The following GALNTL6 variants were observed in gnomAD, a reference collection of about 807,000 sequenced individuals.
GALNTL6 encodes the protein polypeptide N-acetylgalactosaminyltransferase-like 6.
A neutral mutation model predicts 73.7 loss-of-function variants in GALNTL6; 46 were observed. That is an observed-to-expected ratio of 0.62 (90% confidence interval 0.49 to 0.80). The LOEUF is 0.80. Ranked by LOEUF, GALNTL6 falls within the 30% of genes least tolerant of loss-of-function variation. The pLI, the probability that GALNTL6 is intolerant of heterozygous loss-of-function variation, is 0.00. For synonymous variants in GALNTL6, 259 were observed against 263.7 expected (o/e 0.98, Z 0.17); for missense variants, 604 against 755.0 (o/e 0.80, Z 2.34).
At chr4:171,974,163 C>A (rs1205275978) in intron 2 of GALNTL6, among the ~76,000 whole-genome samples, 2 of 151,214 alleles carry the variant, frequency 1.3e-5, no homozygotes, top group Non-Finnish European at 2.9e-5. Flanking sequence ...CCACACCCAG[C>A]TAACCTTTTT....
Position 172,788,617 on chromosome 4 carries a change from G to A in GALNTL6, c.554-20744G>A, listed in dbSNP as rs546200736. ...AAACCGGGAGGCGGAGCTTGCAGTGGGCCGATATCGCACCACTGCACTCCA... is the reference window on the plus strand; with the variant it reads ...AAACCGGGAGGCGGAGCTTGCAGTGAGCCGATATCGCACCACTGCACTCCA... On this transcript the variant is annotated intron_variant, in intron 5 of 12. Transcript: ENST00000506823. Among the ~76,000 whole-genome samples, 208 of 149,156 alleles carry A rather than the reference G, an allele frequency of 1.4e-3. 1 individual carries two copies. The highest frequency in any genetic ancestry group is 6.1e-3 in the Admixed American group (92 of 15,022).
chr4:172,861,720 T>C (rs915222971), intron 7 of GALNTL6, among the ~76,000 whole-genome samples: 9 of 152,312 alleles, frequency 5.9e-5, no homozygotes, highest in East Asian at 1.9e-4. Context: ...GTTCTCATGA[T>C]AGTGAATAAG....
intron 7 of GALNTL6, among the ~76,000 whole-genome samples, chr4:172,858,954 G>C (rs1165157572): frequency 6.6e-6 from 1 of 150,738 alleles, no homozygotes; most frequent in Non-Finnish European, 1.5e-5. Context: ...AAGAAATTAT[G>C]GTCTCTTGAA....
chr4:172,691,731 C>A (rs568269795), intron 5 of GALNTL6, among the ~76,000 whole-genome samples: 15 of 152,292 alleles, frequency 9.8e-5, no homozygotes, highest in African/African-American at 3.4e-4. Context: ...GATACAGAGA[C>A]CTAGGTCACA....
chr4:171,852,518 T>TTA (rs35838041), intron 2 of GALNTL6, among the ~76,000 whole-genome samples: 85,935 of 149,172 alleles, frequency 0.58, 26,222 homozygotes, highest in South Asian at 0.79. Context: ...TTAGCTTTCT[T>TTA]TATATATATA....
At chr4:172,664,921 G>C (rs2111189158) in intron 5 of GALNTL6, among the ~76,000 whole-genome samples, 1 of 152,238 alleles carries the variant, frequency 6.6e-6, no homozygotes, top group East Asian at 1.9e-4. Context: ...TTGTGTAAAA[G>C]GGGAACTAAA....
At chr4:172,215,064 G>T (rs537568236) in intron 2 of GALNTL6, among the ~76,000 whole-genome samples, 1 of 116,722 alleles carries the variant, frequency 8.6e-6, no homozygotes, top group South Asian at 3.9e-4. Flanking sequence ...AGTATTTGGA[G>T]ATTTTTACCT....
intron 3 of GALNTL6, among the ~76,000 whole-genome samples, chr4:172,233,944 G>T (rs1447486130): frequency 6.6e-6 from 1 of 151,724 alleles, no homozygotes; most frequent in Non-Finnish European, 1.5e-5. Context: ...TATATTTAAG[G>T]ATGGCTTTGT....
intron 2 of GALNTL6, among the ~76,000 whole-genome samples, chr4:172,050,238 C>G (rs2110856576): frequency 6.6e-6 from 1 of 152,214 alleles, no homozygotes; most frequent in Middle Eastern, 3.4e-3. Flanking sequence ...ATTTGCAGGG[C>G]ACCAAGAAAG....
intron 5 of GALNTL6, among the ~76,000 whole-genome samples, chr4:172,417,964 A>G (rs1281426055): frequency 6.6e-6 from 1 of 152,130 alleles, no homozygotes; most frequent in Admixed American, 6.6e-5. Context: ...TTTTTGTGCC[A>G]CTTTATAATA....
intron 10 of GALNTL6, among the ~76,000 whole-genome samples, chr4:172,980,053 A>T (rs1750999184): frequency 1.3e-5 from 2 of 152,240 alleles, no homozygotes; most frequent in South Asian, 4.1e-4. Context: ...AGATAGAGTC[A>T]GCTCTAAATA....
At chr4:172,972,665 C>T (rs867510900) in intron 10 of GALNTL6, among the ~76,000 whole-genome samples, 2 of 151,926 alleles carry the variant, frequency 1.3e-5, no homozygotes, top group African/African-American at 4.8e-5. Flanking sequence ...GAAAGGTAGA[C>T]GGTGGGCTGA....
At chr4:172,383,307 T>C (rs1459946924) in intron 5 of GALNTL6, among the ~76,000 whole-genome samples, 3 of 152,156 alleles carry the variant, frequency 2.0e-5, no homozygotes, top group Non-Finnish European at 4.4e-5. Flanking sequence ...ATTTGTAGTC[T>C]TCAATGTACA....
intron 8 of GALNTL6, among the ~76,000 whole-genome samples, chr4:172,890,454 A>G (rs984502402): frequency 1.3e-5 from 2 of 151,386 alleles, no homozygotes; most frequent in Non-Finnish European, 3.0e-5. Flanking sequence ...ATTTACTCCA[A>G]AGTCATTCAG....
At chr4:172,214,650 G>A (rs1435745584) in intron 2 of GALNTL6, among the ~76,000 whole-genome samples, 1 of 151,738 alleles carries the variant, frequency 6.6e-6, no homozygotes, top group Non-Finnish European at 1.5e-5. Context: ...AAGTAGCTGG[G>A]ATTACAGGTA....
chr4:173,015,327 CAG>C (rs375514395), intron 11 of GALNTL6, among the ~76,000 whole-genome samples: 43 of 152,152 alleles, frequency 2.8e-4, no homozygotes, highest in African/African-American at 9.9e-4. Flanking sequence ...GGGTAACAGA[CAG>C]AGGTTGGAAC....
chr4:172,278,404 C>T (rs191974023), intron 3 of GALNTL6, among the ~76,000 whole-genome samples: 4 of 152,226 alleles, frequency 2.6e-5, no homozygotes, highest in African/African-American at 9.6e-5. Context: ...AAATATCTAT[C>T]CTGTCTGATA....
At chr4:172,888,883 A>G (rs551864821) in intron 8 of GALNTL6, among the ~76,000 whole-genome samples, 1 of 152,218 alleles carries the variant, frequency 6.6e-6, no homozygotes, top group East Asian at 1.9e-4. Flanking sequence ...TGTTCTTCCA[A>G]TCCATGAGCA....
chr4:172,052,438 C>A, intron 2 of GALNTL6: 1 of 1,534,308 alleles, frequency 6.5e-7, no homozygotes, highest in Non-Finnish European at 8.7e-7. Flanking sequence ...ACCCATTCAC[C>A]AGCCAGATGA....
Sources: allele counts gnomAD v4.1 joint callset (sites outside exome capture counted in the v4.1 genomes callset), GRCh38; gene constraint gnomAD v4.1.1; transcripts MANE v1.5; gene names NCBI Gene and HGNC (gene_info 2026-07-23, HGNC 2026-07-21).